The following TAMM41 variants were observed in gnomAD, a reference collection of about 807,000 sequenced individuals.
TAMM41 encodes the protein TAM41 mitochondrial translocator assembly and maintenance homolog, also known as phosphatidate cytidylyltransferase, mitochondrial.
Under a neutral mutation model 44.1 loss-of-function variants are expected in TAMM41, and 36 were observed. The ratio of observed to expected loss-of-function variants is 0.82; its 90% confidence interval spans 0.63 to 1.08. The LOEUF (loss-of-function observed/expected upper bound fraction) is 1.08. Among genes scored for constraint, TAMM41 ranks in the 50% least tolerant of loss-of-function variants. The pLI is 0.00. For synonymous variants in TAMM41, 164 were observed against 153.1 expected (o/e 1.07, Z -0.53); for missense variants, 417 against 404.3 (o/e 1.03, Z -0.27).
intron 4 of TAMM41, among the ~76,000 whole-genome samples, chr3:11,820,034 C>T (rs907555075): frequency 6.6e-6 from 1 of 152,002 alleles, no homozygotes. Flanking sequence ...TCTATAATTT[C>T]CCCCCATTTC....
the TAMM41 span, among the ~76,000 whole-genome samples, chr3:11,770,121 A>G: frequency 1.3e-5 from 2 of 152,220 alleles, no homozygotes; most frequent in African/African-American, 4.8e-5. Flanking sequence ...GAGATGTGTG[A>G]TTGGTCCCGC....
the TAMM41 span, among the ~76,000 whole-genome samples, chr3:11,765,679 A>G: frequency 1.3e-5 from 2 of 151,114 alleles, no homozygotes; most frequent in South Asian, 2.1e-4. Flanking sequence ...TATTATGATT[A>G]TCTTTTCACC....
Position 11,846,751 on chromosome 3 carries a change from G to T in TAMM41, c.-115C>A. On this transcript the variant is annotated 5_prime_UTR_variant, in exon 1 of 8. Transcript: ENST00000455809. ...AATGGAAGTCGGAGACTGGATCGAG[G>T]GACACAAGGCTGAGTGTGGGGTGGG... is the stretch of plus-strand genomic sequence containing the variant. The T allele has an allele frequency of 7.3e-7, 1 of 1,363,586 alleles. No homozygotes were observed. Among genetic ancestry groups the T allele is most frequent in the Non-Finnish European group, 1.0e-6 (1 of 982,270 alleles). The allele number at this position is 1,363,586 out of a possible 1,614,324, so 84.5% of individuals were successfully genotyped here. A position where few individuals can be genotyped will look rare whatever the true frequency, so the allele number is the denominator to read the frequency against.
the TAMM41 span, among the ~76,000 whole-genome samples, chr3:11,767,826 T>C: frequency 1.3e-5 from 2 of 151,360 alleles, no homozygotes; most frequent in East Asian, 2.0e-4. Flanking sequence ...GGTTTCACCA[T>C]GTTGCTCAGG....
chr3:11,760,856 C>T, the TAMM41 span, among the ~76,000 whole-genome samples: 8 of 152,032 alleles, frequency 5.3e-5, 1 homozygote, highest in South Asian at 1.7e-3. Flanking sequence ...CCACCACGCT[C>T]GACCAAGTCA....
At chr3:11,766,565 A>ATGTTTT in the TAMM41 span, among the ~76,000 whole-genome samples, 1 of 150,776 alleles carries the variant, frequency 6.6e-6, no homozygotes, top group Non-Finnish European at 1.5e-5. Context: ...TTCAGGCCAG[A>ATGTTTT]TGTTTTTATT....
At chr3:11,803,753 A>G (rs2077823000) in intron 7 of TAMM41, among the ~76,000 whole-genome samples, 1 of 152,240 alleles carries the variant, frequency 6.6e-6, no homozygotes, top group Non-Finnish European at 1.5e-5. Context: ...CTACTTAGCC[A>G]TAACAAAGAA....
At chr3:11,833,517 C>G (rs1263030863) in intron 3 of TAMM41, among the ~76,000 whole-genome samples, 1 of 152,182 alleles carries the variant, frequency 6.6e-6, no homozygotes, top group Non-Finnish European at 1.5e-5. Context: ...TAAATAGTCA[C>G]TGCTTAAGGA....
chr3:11,729,576 T>A, the TAMM41 span, among the ~76,000 whole-genome samples: 39 of 126,400 alleles, frequency 3.1e-4, no homozygotes, highest in Admixed American at 1.8e-3. Context: ...TTTTTTTTTT[T>A]ATGAGACAGA....
chr3:11,831,123 GCTT>G (rs2078967048), intron 3 of TAMM41, among the ~76,000 whole-genome samples: 1 of 152,164 alleles, frequency 6.6e-6, no homozygotes, highest in South Asian at 2.1e-4. Flanking sequence ...CCTTGTGTGT[GCTT>G]CTCAGTGCAC....
the TAMM41 span, among the ~76,000 whole-genome samples, chr3:11,762,337 G>A: frequency 4.6e-5 from 7 of 152,036 alleles, no homozygotes; most frequent in African/African-American, 1.4e-4. Flanking sequence ...TTATTACATG[G>A]AATTATAACT....
At chr3:11,736,428 T>A in the TAMM41 span, among the ~76,000 whole-genome samples, 1 of 152,232 alleles carries the variant, frequency 6.6e-6, no homozygotes, top group Non-Finnish European at 1.5e-5. Flanking sequence ...TTCCAAAATC[T>A]GAGCAAGATG....
the TAMM41 span, among the ~76,000 whole-genome samples, chr3:11,743,335 C>CTT: frequency 2.5e-3 from 351 of 141,030 alleles, 4 homozygotes; most frequent in African/African-American, 8.1e-3. Context: ...CTAATAATCT[C>CTT]TTTTTTTTTT....
chr3:11,845,222 G>C (rs905093273), intron 1 of TAMM41: 4 of 334,270 alleles, frequency 1.2e-5, no homozygotes, highest in African/African-American at 8.7e-5. Flanking sequence ...GGGGGAATTA[G>C]ATCTGAAGCC....
At chr3:11,773,760 A>C in the TAMM41 span, among the ~76,000 whole-genome samples, 4 of 152,174 alleles carry the variant, frequency 2.6e-5, no homozygotes, top group Non-Finnish European at 5.9e-5. Flanking sequence ...ATGTGTTATG[A>C]GCTAAATTGT....
At chr3:11,773,020 G>A in the TAMM41 span, among the ~76,000 whole-genome samples, 11 of 151,994 alleles carry the variant, frequency 7.2e-5, no homozygotes, top group South Asian at 6.2e-4. Flanking sequence ...GCAGTGGTGC[G>A]ATCACAGCTC....
chr3:11,784,287 G>A, the TAMM41 span, among the ~76,000 whole-genome samples: 16 of 152,342 alleles, frequency 1.1e-4, no homozygotes, highest in African/African-American at 3.4e-4. Flanking sequence ...TTGAGTTCAG[G>A]AGTTTGAGAC....
chr3:11,752,625 CTTTTTTTT>C, the TAMM41 span, among the ~76,000 whole-genome samples: 43 of 39,950 alleles, frequency 1.1e-3, no homozygotes, highest in South Asian at 3.5e-3. Flanking sequence ...TCTTACAAAG[CTTTTTTTT>C]TTTTTTTTTT....
chr3:11,832,738 C>T (rs1017505453), intron 3 of TAMM41, among the ~76,000 whole-genome samples: 5 of 152,206 alleles, frequency 3.3e-5, no homozygotes, highest in African/African-American at 9.6e-5. Context: ...TCCACATTCC[C>T]GTTCTTCATC....
Sources: gnomAD v4.1 joint callset for allele counts (sites outside exome capture counted in the v4.1 genomes callset) on GRCh38, gnomAD v4.1.1 for gene constraint, MANE v1.5 for transcripts, NCBI Gene and HGNC (gene_info 2026-07-23, HGNC 2026-07-21) for gene names.